WDR73: variants seen among roughly 807,000 people sequenced by gnomAD.
WDR73 encodes the protein integrator complex assembly factor WDR73.
Under a neutral mutation model 38.2 loss-of-function variants are expected in WDR73, and 30 were observed. The ratio of observed to expected loss-of-function variants is 0.79; its 90% CI spans 0.59 to 1.06. The LOEUF (loss-of-function observed/expected upper bound fraction) is 1.06. Among genes scored for constraint, WDR73 ranks in the 50% least tolerant of loss-of-function variants. The pLI is 0.00. For synonymous variants in WDR73, 197 were observed against 176.0 expected, an observed-to-expected ratio of 1.12 and a Z score of -0.94; for missense variants, 487 against 467.0, an observed-to-expected ratio of 1.04 and a Z score of -0.40.
intron 4 of WDR73, 101 bp from the exon 5 acceptor site, chr15:84,648,055 T>C (rs1457601768): frequency 6.0e-6 from 6 of 997,574 alleles, no homozygotes; most frequent in Non-Finnish European, 8.0e-6. Flanking sequence ...ACTTCCCATA[T>C]CAGGACATCT....
chr15:84,652,251 A>G (rs1896647730), intron 3 of WDR73, among the ~76,000 whole-genome samples: 1 of 152,136 alleles, frequency 6.6e-6, no homozygotes, highest in Admixed American at 6.5e-5. Context: ...TCTTGGCTTC[A>G]GAAACATTGA....
At chr15:84,652,261 A>C (rs1379694282) in intron 3 of WDR73, among the ~76,000 whole-genome samples, 1 of 151,724 alleles carries the variant, frequency 6.6e-6, no homozygotes, top group Non-Finnish European at 1.5e-5. Context: ...AGAAACATTG[A>C]CCTTTTCTGA....
At chr15:84,646,456 G>GAGCT in intron 5 of WDR73, 108 bp from the exon 6 acceptor site, 1 of 1,485,762 alleles carries the variant, frequency 6.7e-7, no homozygotes, top group Non-Finnish European at 8.9e-7. Context: ...GGAAGAAAAG[G>GAGCT]AGCTGCCGGC....
rs189197964 is a variant in WDR73, at chr15:84,646,506, T to C, written c.353-158A>G. Reference sequence around the variant, plus strand: ...GTTGAGACATAACTACTCTGGCTTATGTTTACATTTTTGAAACCATCAGAA... The same window carrying C: ...GTTGAGACATAACTACTCTGGCTTACGTTTACATTTTTGAAACCATCAGAA... On this transcript the variant is annotated intron_variant, in intron 5 of 7. Transcript: ENST00000434634. The C allele has an allele frequency of 3.8e-5, 42 of 1,116,216 alleles. No homozygotes were observed. The African/African-American group carries it at 5.6e-4, about 15-fold the overall frequency. 69.1% of individuals were successfully genotyped at this position (1,116,216 alleles called of 1,614,324 possible).
In WDR73 at chr15:84,646,355, GA is replaced by G; in HGVS notation, c.353-8del. ...CTGACAGCTTTAATGACATCTAGGGGAAAACGAAGAGGCCAAAATCCAGAAC... is the reference window on the plus strand; with the variant it reads ...CTGACAGCTTTAATGACATCTAGGGGAAACGAAGAGGCCAAAATCCAGAAC... On this transcript the variant is annotated splice_polypyrimidine_tract_variant and splice_region_variant and intron_variant, in intron 5 of 7. Coordinates refer to ENST00000434634, the MANE Select transcript of WDR73 (RefSeq NM_032856.5). The G allele has an allele frequency of 6.2e-7, 1 of 1,601,208 alleles. No individual in the cohort carries two copies. The highest frequency in any genetic ancestry group is 8.5e-7 in the Non-Finnish European group (1 of 1,170,382).
At chr15:84,648,315 GTTAC>G (rs1488534193) in intron 4 of WDR73, 2 of 588,384 alleles carry the variant, frequency 3.4e-6, no homozygotes, top group Admixed American at 3.0e-5. Context: ...CGGTAGAACT[GTTAC>G]TTACATTAGT....
Position 84,639,899 on chromosome 15 carries a change from C to T in WDR73, c.*3571G>A, listed in dbSNP as rs1896208332. ...AATGTTGCTATCGGTTCAAAAACCT[C>T]CTGACCGACTACTGCAAAGCCAGGA... On this transcript the variant is annotated 3_prime_UTR_variant, in exon 8 of 8. Coordinates refer to ENST00000434634, the MANE Select transcript of WDR73 (RefSeq NM_032856.5). 1 of 152,320 alleles carries T rather than the reference C, an allele frequency of 6.6e-6. No homozygotes were observed. The highest frequency in any genetic ancestry group is 2.4e-5 in the African/African-American group (1 of 41,438). 9.4% of individuals were successfully genotyped at this position (152,320 alleles called of 1,614,324 possible). A position where few individuals can be genotyped will look rare whatever the true frequency, so the allele number is the denominator to read the frequency against.
At chr15:84,645,926 C>T (rs770163819) in intron 6 of WDR73, 90 bp from the exon 7 acceptor site, 1 of 1,589,282 alleles carries the variant, frequency 6.3e-7, no homozygotes, top group South Asian at 1.1e-5. Flanking sequence ...TCCCTTCCCA[C>T]CAGTCCCAGG....
chr15:84,644,074 G>GT, intron 7 of WDR73: 1 of 230,212 alleles, frequency 4.3e-6, no homozygotes, highest in Non-Finnish European at 8.6e-6. Context: ...CCTGTTATGC[G>GT]TGAGGCTCGA....
chr15:84,649,615 G>A (rs1475683135), intron 3 of WDR73, among the ~76,000 whole-genome samples: 1 of 151,848 alleles, frequency 6.6e-6, no homozygotes, highest in Non-Finnish European at 1.5e-5. Context: ...GACTACAGGT[G>A]TGCACCACCA....
intron 6 of WDR73, 79 bp from the exon 7 acceptor site, chr15:84,645,915 G>A (rs1424631249): frequency 6.3e-7 from 1 of 1,598,772 alleles, no homozygotes; most frequent in Admixed American, 1.7e-5. Context: ...CTGGTCACAG[G>A]TCCCTTCCCA....
rs941770383 is a variant in WDR73 at position 84,640,181 on chromosome 15, C to G, written c.*3289G>C. 3 of 152,190 alleles carry G rather than the reference C, an allele frequency of 2.0e-5. No homozygotes were observed. The highest frequency in any genetic ancestry group is 7.2e-5 in the African/African-American group (3 of 41,428). 9.4% of individuals were successfully genotyped at this position (152,190 alleles called of 1,614,324 possible). A position where few individuals can be genotyped will look rare whatever the true frequency, so the allele number is the denominator to read the frequency against. ...TGGAATCCCAGTGGCAACTCTCCCC[C>G]ACAATGGACCTCAGAGCAGTGGGAG... On this transcript the variant is annotated 3_prime_UTR_variant, in exon 8 of 8. Transcript: ENST00000434634.
chr15:84,644,368 G>A (rs991371084), intron 7 of WDR73: 3 of 152,126 alleles, frequency 2.0e-5, no homozygotes, highest in African/African-American at 7.3e-5. Flanking sequence ...TGAAGAGCCA[G>A]CCCCTCTACC....
intron 1 of WDR73, 97 bp from the exon 2 acceptor site, chr15:84,653,796 G>C (rs1896701615): frequency 1.1e-6 from 1 of 930,088 alleles, no homozygotes. Flanking sequence ...CCAAACTCTG[G>C]AGTCAGGCAG....
intron 3 of WDR73, among the ~76,000 whole-genome samples, chr15:84,650,489 T>C (rs990469307): frequency 4.6e-5 from 7 of 152,126 alleles, no homozygotes; most frequent in African/African-American, 1.4e-4. Flanking sequence ...GCCTCCTGAG[T>C]AGCTGGTACT....
At chr15:84,652,620 T>C in intron 3 of WDR73, 94 bp downstream of exon 3, 1 of 692,788 alleles carries the variant, frequency 1.4e-6, no homozygotes, top group South Asian at 2.4e-5. Context: ...CTCTTTCTAG[T>C]ATCCAGGACA....
At chr15:84,644,575 C>CA (rs1214503451) in intron 7 of WDR73, 1 of 109,590 alleles carries the variant, frequency 9.1e-6, no homozygotes, top group Admixed American at 1.0e-4. Flanking sequence ...TGGCTTGCTA[C>CA]TTTTTTTTTT....
At chr15:84,653,064 G>A (rs544702574) in intron 2 of WDR73, 10 of 346,924 alleles carry the variant, frequency 2.9e-5, no homozygotes, top group African/African-American at 1.1e-4. Flanking sequence ...GATTATAGGC[G>A]TGAGCCACCA....
chr15:84,648,207 T>G (rs940667967), intron 4 of WDR73: 13 of 592,478 alleles, frequency 2.2e-5, no homozygotes, highest in Non-Finnish European at 3.9e-5. Context: ...AAACACAACC[T>G]GACCCAGAGA....
Sources: gnomAD v4.1 joint callset for allele counts (sites outside exome capture counted in the v4.1 genomes callset) on GRCh38, gnomAD v4.1.1 for gene constraint, MANE v1.5 for transcripts, NCBI Gene and HGNC (gene_info 2026-07-23, HGNC 2026-07-21) for gene names.